SHCBP1: variants seen among roughly 807,000 people sequenced by gnomAD.
SHCBP1 encodes the protein SHC SH2 domain-binding protein 1.
In SHCBP1, 60 loss-of-function variants were observed where a neutral mutation model predicts 75.1. That is an observed-to-expected ratio of 0.80 (90% CI 0.65 to 0.99). SHCBP1 has a LOEUF of 0.99. Ranked by LOEUF, SHCBP1 falls within the 50% of genes least tolerant of loss-of-function variation. The pLI is 0.00. For synonymous variants in SHCBP1, 290 were observed against 293.2 expected (o/e 0.99, Z 0.11); for missense variants, 709 against 809.4 (o/e 0.88, Z 1.50).
intron 4 of SHCBP1, 95 bp from the exon 5 acceptor site, chr16:46,608,484 C>T (rs990264799): frequency 1.3e-6 from 1 of 774,500 alleles, no homozygotes; most frequent in Non-Finnish European, 2.2e-6. Context: ...CAAAACAATT[C>T]TCATATCTTA....
At chr16:46,592,951 CAAAAA>C in intron 10 of SHCBP1, among the ~76,000 whole-genome samples, 8 of 22,794 alleles carry the variant, frequency 3.5e-4, no homozygotes, top group East Asian at 2.6e-3. Context: ...TAAAAATTCT[CAAAAA>C]AAAAAAAAAA....
At position 46,578,881 on chromosome 16, in the gene SHCBP1, T is replaced by A. The variant is rs926690802; in HGVS notation, c.*2848A>T. Among the ~76,000 whole-genome samples, 1 of 152,188 alleles carries A rather than the reference T, an allele frequency of 6.6e-6. No individual in the cohort carries two copies. Among genetic ancestry groups the A allele is most frequent in the Admixed American group, 6.5e-5 (1 of 15,286 alleles). ...AGAAACATGAACGACACGGTTCTTATGAGCTCATCAGTGTTCTATTGAACT... is the reference window on the plus strand; with the variant it reads ...AGAAACATGAACGACACGGTTCTTAAGAGCTCATCAGTGTTCTATTGAACT... On this transcript the variant is annotated 3_prime_UTR_variant, in exon 13 of 13. Coordinates refer to ENST00000303383, the MANE Select transcript of SHCBP1 (RefSeq NM_024745.5).
rs1964842780 is a variant in SHCBP1, at chr16:46,579,761, C to T, written c.*1968G>A. On this transcript the variant is annotated 3_prime_UTR_variant, in exon 13 of 13. Coordinates refer to ENST00000303383, the MANE Select transcript of SHCBP1 (RefSeq NM_024745.5). ...ACCAGCCTGGCCAACATGGTTAAAC[C>T]CTGTCTCTACTAAAAATACAAAAAT... Among the ~76,000 whole-genome samples the T allele has an allele frequency of 6.6e-6, 1 of 151,992 alleles. No homozygotes were observed. Among genetic ancestry groups the T allele is most frequent in the Admixed American group, 6.6e-5 (1 of 15,258 alleles).
chr16:46,621,262 TC>T lies in SHCBP1; in HGVS notation c.97del (p.Glu33ArgfsTer58). On this transcript the variant is annotated frameshift_variant, in exon 1 of 13. Coordinates refer to ENST00000303383, the MANE Select transcript of SHCBP1 (RefSeq NM_024745.5). LOFTEE classifies it high-confidence loss of function. Reference protein sequence around the residue: ...WAVEQELASLEKGLFQDEDSC... With the variant: ...WAVEQELASLXKGLFQDEDSC... Reference sequence around the variant, plus strand: ...CCCCGGCATGGAGAGCTCACCTTTCTCCAGAGACGCCAGCTCCTGCTCCACC... The same window carrying T: ...CCCCGGCATGGAGAGCTCACCTTTCTCAGAGACGCCAGCTCCTGCTCCACC... 1 of 1,608,102 alleles carries T rather than the reference TC, an allele frequency of 6.2e-7. No individual in the cohort carries two copies. Among genetic ancestry groups the T allele is most frequent in the Non-Finnish European group, 8.5e-7 (1 of 1,178,082 alleles).
intron 8 of SHCBP1, among the ~76,000 whole-genome samples, chr16:46,603,259 C>G (rs2143000445): frequency 6.6e-6 from 1 of 152,126 alleles, no homozygotes; most frequent in Non-Finnish European, 1.5e-5. Context: ...CATAAACCAC[C>G]TACAATCTGG....
Position 46,615,889 on chromosome 16 carries a change from T to C in SHCBP1, c.596+57A>G, listed in dbSNP as rs918291044. On this transcript the variant is annotated intron_variant, in intron 4 of 12. Transcript: ENST00000303383. The stretch of plus-strand genomic sequence containing the variant: ...TGGGTCTAACACAGACCAGAATTAC[T>C]TCATTTCATCCAAAGTTTCTGGCCA... The C allele has an allele frequency of 3.8e-6, 6 of 1,566,864 alleles. No homozygotes were observed. In the African/African-American group the frequency reaches 5.4e-5, roughly 14 times the overall value.
rs1309591462 is a variant in SHCBP1 at position 46,581,969 on chromosome 16, A to T, written c.1779T>A (p.Thr593=). 6.2e-7 allele frequency: 1 copy of T among 1,614,054 alleles called. No homozygotes were observed. The highest frequency in any genetic ancestry group is 1.3e-5 in the African/African-American group (1 of 74,938). ...VDLEELIECA[T]GKMELCARTD... Reference sequence around the variant, plus strand: ...TTCTTGCACAAAGCTCCATTTTACCAGTTGCACACTCAATCAGCTCTTCTA... The same window carrying T: ...TTCTTGCACAAAGCTCCATTTTACCTGTTGCACACTCAATCAGCTCTTCTA... Residue 593 remains threonine (T), a synonymous_variant, in exon 13 of 13, where the codon ACT becomes ACA. Coordinates refer to ENST00000303383, the MANE Select transcript of SHCBP1 (RefSeq NM_024745.5).
chr16:46,614,445 C>T (rs1237839813), intron 4 of SHCBP1, among the ~76,000 whole-genome samples: 1 of 152,048 alleles, frequency 6.6e-6, no homozygotes, highest in Non-Finnish European at 1.5e-5. Context: ...CCTTCTTTGG[C>T]GAAGATACAA....
In SHCBP1 at chr16:46,591,109, T is replaced by C. The variant is rs564811772; in HGVS notation, c.1464+4443A>G. Among the ~76,000 whole-genome samples, 205 of 152,204 alleles carry C rather than the reference T, an allele frequency of 1.3e-3. 3 individuals carry two copies. Among genetic ancestry groups the C allele is most frequent in the Admixed American group, 4.6e-4 (7 of 15,294 alleles). The stretch of plus-strand genomic sequence containing the variant: ...GCATGTTGTCACTCATAGGTGGGAA[T>C]TGAACAATGAGAACACTTGTACACA... On this transcript the variant is annotated intron_variant, in intron 10 of 12. Transcript: ENST00000303383.
chr16:46,620,274 CAGT>C (rs1352822725), intron 1 of SHCBP1, among the ~76,000 whole-genome samples: 1 of 152,032 alleles, frequency 6.6e-6, no homozygotes, highest in Non-Finnish European at 1.5e-5. Context: ...AATAATAATA[CAGT>C]ATTATTAACT....
At chr16:46,589,165 T>C (rs1019919773) in intron 10 of SHCBP1, among the ~76,000 whole-genome samples, 2 of 152,118 alleles carry the variant, frequency 1.3e-5, no homozygotes, top group African/African-American at 2.4e-5. Flanking sequence ...ATTGATGGGA[T>C]GTATCTCAAA....
intron 1 of SHCBP1, chr16:46,620,864 CTCT>C (rs1001280583): frequency 5.9e-6 from 1 of 169,880 alleles, no homozygotes; most frequent in Non-Finnish European, 1.2e-5. Flanking sequence ...TCAAGCTTTT[CTCT>C]TCTTCGGAAA....
intron 10 of SHCBP1, among the ~76,000 whole-genome samples, chr16:46,585,863 A>C (rs1048428170): frequency 1.4e-4 from 22 of 151,870 alleles, no homozygotes; most frequent in African/African-American, 5.1e-4. Flanking sequence ...TAGACCTCCC[A>C]CCCCTACATA....
At chr16:46,600,343 A>C (rs1965213802) in intron 8 of SHCBP1, among the ~76,000 whole-genome samples, 1 of 152,188 alleles carries the variant, frequency 6.6e-6, no homozygotes, top group Non-Finnish European at 1.5e-5. Context: ...GGCATGCACC[A>C]ATTACTCACT....
intron 4 of SHCBP1, among the ~76,000 whole-genome samples, chr16:46,609,259 C>T (rs1338870159): frequency 4.0e-5 from 6 of 151,868 alleles, no homozygotes; most frequent in African/African-American, 1.2e-4. Flanking sequence ...ACTGGGAGGC[C>T]GGGGCTGCAG....
At chr16:46,587,652 G>A (rs532161822) in intron 10 of SHCBP1, among the ~76,000 whole-genome samples, 15 of 152,064 alleles carry the variant, frequency 9.9e-5, no homozygotes, top group Admixed American at 3.9e-4. Flanking sequence ...CAGGAGCACC[G>A]GATTCATAAA....
Position 46,604,452 on chromosome 16 carries a change from G to A in SHCBP1, c.699C>T (p.Asp233=), listed in dbSNP as rs1210892911. 6.2e-7 allele frequency: 1 copy of A among 1,607,520 alleles called. No homozygotes were observed. Among genetic ancestry groups the A allele is most frequent in the Non-Finnish European group, 8.5e-7 (1 of 1,174,336 alleles). ...CTGATGGAACTCGGTCTTCAAGAAT[G>A]TCATAATGCCTGAAAGTTTAAAAGC... ...CVEPRLRLHY[D]ILEDRVPSGL... is the part of the protein sequence containing the mutation. Residue 233 remains aspartate (D), a synonymous_variant, in exon 6 of 13, where the codon GAC becomes GAT. Coordinates refer to ENST00000303383, the MANE Select transcript of SHCBP1 (RefSeq NM_024745.5).
intron 10 of SHCBP1, among the ~76,000 whole-genome samples, chr16:46,590,704 T>C (rs1965032302): frequency 6.6e-6 from 1 of 152,178 alleles, no homozygotes; most frequent in Admixed American, 6.5e-5. Context: ...TAGGAACACT[T>C]TTACACTGTT....
At chr16:46,611,636 C>T (rs1965418222) in intron 4 of SHCBP1, among the ~76,000 whole-genome samples, 2 of 152,178 alleles carry the variant, frequency 1.3e-5, no homozygotes, top group East Asian at 3.9e-4. Context: ...ATGATGTTTT[C>T]ATGACCAGAA....
Sources: allele counts gnomAD v4.1 joint callset (sites outside exome capture counted in the v4.1 genomes callset), GRCh38; gene constraint gnomAD v4.1.1; transcripts MANE v1.5; gene names NCBI Gene and HGNC (gene_info 2026-07-23, HGNC 2026-07-21).